Variants in E2F4 observed in about 807,000 individuals in gnomAD.
E2F4 encodes E2F transcription factor 4, also known as transcription factor E2F4.
Under a neutral mutation model 44.5 loss-of-function variants are expected in E2F4, and 16 were observed. That is an observed-to-expected ratio of 0.36 (90% CI 0.24 to 0.55). The LOEUF (loss-of-function observed/expected upper bound fraction) is 0.55. E2F4 is among the 20% of genes least tolerant of loss of function. E2F4 has a pLI of 0.87. For missense variants in E2F4, 473 were observed against 522.1 expected, an observed-to-expected ratio of 0.91 and a Z score of 0.92; for synonymous variants, 242 against 207.2, an observed-to-expected ratio of 1.17 and a Z score of -1.44.
chr16:67,192,216 C>T lies in E2F4; in HGVS notation c.-12C>T, dbSNP rs1340695551. Reference sequence around the variant, plus strand: ...GCCTGGCCTGGCTGAGGGGAGGCGGCGGGCGGGCGCGATGGCGGAGGCCGG... The same window carrying T: ...GCCTGGCCTGGCTGAGGGGAGGCGGTGGGCGGGCGCGATGGCGGAGGCCGG... On this transcript the variant is annotated 5_prime_UTR_variant, in exon 1 of 10. Transcript: ENST00000379378. 34 of 1,062,728 alleles carry T rather than the reference C, an allele frequency of 3.2e-5. No individual in the cohort carries two copies. Among genetic ancestry groups the T allele is most frequent in the African/African-American group, 5.2e-5 (3 of 57,708 alleles). The allele number at this position is 1,062,728 out of a possible 1,614,324, so 65.8% of individuals were successfully genotyped here.
In E2F4 at chr16:67,192,800, T is replaced by A; in HGVS notation, c.175T>A (p.Tyr59Asn). The change falls in exon 2 of 10, where the codon TAC (tyrosine) becomes AAC (asparagine). Residue 59 changes from tyrosine (Y) to asparagine (N), a missense_variant. Tyr to Asn is a moderately radical substitution (Grantham distance 143). This residue lies in a region of E2F4 where 119 missense variants were observed against 175.6 expected (regional missense o/e 0.68). Transcript: ENST00000379378. ...TLAVRQKRRI[Y>N]DITNVLEGIG... The stretch of plus-strand genomic sequence containing the variant: ...AGCTGTACGCCAGAAGCGGCGGATT[T>A]ACGACATTACCAATGTTTTGGAAGG... 1 of 1,612,952 alleles carries A rather than the reference T, an allele frequency of 6.2e-7. No homozygotes were observed. The highest frequency in any genetic ancestry group is 1.1e-5 in the South Asian group (1 of 90,812).
At position 67,197,663 on chromosome 16, in the gene E2F4, C is replaced by T; in HGVS notation, c.1081+17C>T. On this transcript the variant is annotated intron_variant, in intron 8 of 9. Coordinates refer to ENST00000379378, the MANE Select transcript of E2F4 (RefSeq NM_001950.4). ...CCACACGAGGTAGGCTGCTGCATTCCTCCCTGAGGCTAGGGGTAAGGGACA... is the reference window on the plus strand; with the variant it reads ...CCACACGAGGTAGGCTGCTGCATTCTTCCCTGAGGCTAGGGGTAAGGGACA... 6.2e-7 allele frequency: 1 copy of T among 1,613,968 alleles called. No individual in the cohort carries two copies. Among genetic ancestry groups the T allele is most frequent in the African/African-American group, 1.3e-5 (1 of 75,036 alleles).
At position 67,198,426 on chromosome 16, in the gene E2F4, GCCATTACC is replaced by G. The variant is rs766223514; in HGVS notation, c.*306_*313del. ...CCCAGTGGCACAGAACCGAGGAGCT[GCCATTACC>G]CCCCATAGGGGGCAGTGTCTTGTTC... On this transcript the variant is annotated 3_prime_UTR_variant, in exon 10 of 10. Transcript: ENST00000379378. The G allele has an allele frequency of 1.8e-4, 70 of 384,990 alleles. 1 individual carries two copies. Among genetic ancestry groups the G allele is most frequent in the Non-Finnish European group, 3.1e-4 (64 of 206,448 alleles). 23.8% of individuals were successfully genotyped at this position (384,990 alleles called of 1,614,324 possible). A position where few individuals can be genotyped will look rare whatever the true frequency, so the allele number is the denominator to read the frequency against.
rs2032958630 is a variant in E2F4, at chr16:67,195,884, T to C, written c.911T>C (p.Leu304Pro). 1.2e-6 allele frequency: 2 copies of C among 1,604,538 alleles called. No homozygotes were observed. The highest frequency in any genetic ancestry group is 2.9e-5 in the African/African-American group (2 of 69,918). ...ACCCGGCCACTGCAGTCTTCTGCCC[T>C]GCTGGACAGCAGCAGCAGCAGCAGC... ...LDTRPLQSSA[L>P]LDSSSSSSSS... Residue 304 changes from leucine to proline, a missense_variant, in exon 7 of 10, where the codon CTG becomes CCG. Leu to Pro is a moderately conservative substitution (Grantham distance 98). Around this residue, in one of 3 missense-constraint regions of E2F4, gnomAD observed 314 missense variants for 315.6 expected, o/e 0.99. Transcript: ENST00000379378.
At position 67,192,349 on chromosome 16, in the gene E2F4, T is replaced by C. The variant is rs761697299; in HGVS notation, c.122T>C (p.Leu41Pro). The change falls in exon 1 of 10, where the codon CTT (leucine) becomes CCT (proline). Residue 41 changes from leucine (L) to proline (P), a missense_variant. Leu to Pro is a moderately conservative substitution (Grantham distance 98). Coordinates refer to ENST00000379378, the MANE Select transcript of E2F4 (RefSeq NM_001950.4). The stretch of plus-strand genomic sequence containing the variant: ...CTGCAGGAGGCCAAGGACGGCGTGC[T>C]TGACCTCAAGCTGGTGCGGCCTGGG... Reference protein sequence around the residue: ...SLLQEAKDGVLDLKLAADTLA... With the variant: ...SLLQEAKDGVPDLKLAADTLA... 7.1e-7 allele frequency: 1 copy of C among 1,414,728 alleles called. No individual in the cohort carries two copies. The highest frequency in any genetic ancestry group is 9.2e-7 in the Non-Finnish European group (1 of 1,081,856). 87.6% of individuals were successfully genotyped at this position (1,414,728 alleles called of 1,614,324 possible). A position where few individuals can be genotyped will look rare whatever the true frequency, so the allele number is the denominator to read the frequency against.
rs972491636 is a variant in E2F4, at chr16:67,192,196, G to A, written c.-32G>A. 2.4e-6 allele frequency: 3 copies of A among 1,225,132 alleles called. No homozygotes were observed. Among genetic ancestry groups the A allele is most frequent in the Non-Finnish European group, 3.1e-6 (3 of 982,210 alleles). The allele number at this position is 1,225,132 out of a possible 1,614,324, so 75.9% of individuals were successfully genotyped here. ...GTGGCGGCGGCGCCGGCCTGGCCTG[G>A]CCTGGCTGAGGGGAGGCGGCGGGCG... On this transcript the variant is annotated 5_prime_UTR_variant, in exon 1 of 10. Coordinates refer to ENST00000379378, the MANE Select transcript of E2F4 (RefSeq NM_001950.4).
chr16:67,194,567 A>G (rs983357506), intron 5 of E2F4, 108 bp downstream of exon 5: 2 of 1,570,594 alleles, frequency 1.3e-6, no homozygotes, highest in Admixed American at 3.5e-5. Context: ...GTTTGGGGTT[A>G]TCTAGGAGGA....
chr16:67,194,806 C>T lies in E2F4; in HGVS notation c.634C>T (p.Pro212Ser). 1 of 1,614,196 alleles carries T rather than the reference C, an allele frequency of 6.2e-7. No homozygotes were observed. The highest frequency in any genetic ancestry group is 1.1e-5 in the South Asian group (1 of 91,084). ...SPPVAVPVPP[P>S]EDLLQSPSAV... is the part of the protein sequence containing the mutation. ...CCCTGTGGCTGTGCCTGTGCCACCA[C>T]CTGAAGATTTGCTCCAGAGCCCATC... Residue 212 changes from proline to serine, a missense_variant, in exon 6 of 10, where the codon CCT becomes TCT. Physicochemically the swap from Pro to Ser is moderately conservative, Grantham distance 74. Transcript: ENST00000379378.
chr16:67,192,713 G>A, intron 1 of E2F4, 48 bp from the exon 2 acceptor site: 1 of 1,546,662 alleles, frequency 6.5e-7, no homozygotes, highest in Non-Finnish European at 8.8e-7. Context: ...AGGGTGGCTG[G>A]GGGTACACCC....
rs1383272558 is a variant in E2F4, at chr16:67,195,962, A to G, written c.989A>G (p.Asn330Ser). 1.9e-6 allele frequency: 3 copies of G among 1,613,668 alleles called. No homozygotes were observed. The highest frequency in any genetic ancestry group is 1.7e-6 in the Non-Finnish European group (2 of 1,179,880). The change falls in exon 7 of 10, where the codon AAC becomes AGC. Residue 330 changes from asparagine to serine, a missense_variant. By Grantham distance (46) the Asn-to-Ser change is conservative (BLOSUM62 1). Transcript: ENST00000379378. ...AACAGCAGCAGTTCGTCCGGACCCA[A>G]CCCTTCTACCTCCTTTGAGCCCATC... ...NSNSSSSSGP[N>S]PSTSFEPIKA... is the part of the protein sequence containing the mutation.
At chr16:67,193,330 G>A in intron 3 of E2F4, 142 bp from the exon 4 acceptor site, 1 of 1,489,060 alleles carries the variant, frequency 6.7e-7, no homozygotes, top group Non-Finnish European at 9.3e-7. Flanking sequence ...CTCTTAGCCT[G>A]TGATCCCTCC....
chr16:67,195,933 C>T lies in E2F4; in HGVS notation c.960C>T (p.Asn320=). The T allele has an allele frequency of 6.2e-7, 1 of 1,614,114 alleles. No individual in the cohort carries two copies. The highest frequency in any genetic ancestry group is 1.1e-5 in the South Asian group (1 of 91,078). ...SSSSSSSSSS[N]SNSSSSSGPN... ...GCAGCAGCAGCAGCAGCAGCAGCAA[C>T]AGTAACAGCAGCAGTTCGTCCGGAC... is the stretch of plus-strand genomic sequence containing the variant. Residue 320 remains asparagine (N), a synonymous_variant, in exon 7 of 10, where the codon AAC becomes AAT. Coordinates refer to ENST00000379378, the MANE Select transcript of E2F4 (RefSeq NM_001950.4).
chr16:67,194,775 C>T lies in E2F4; in HGVS notation c.603C>T (p.Ser201=). The change falls in exon 6 of 10, where the codon AGC becomes AGT. Residue 201 remains serine (S), a synonymous_variant. Coordinates refer to ENST00000379378, the MANE Select transcript of E2F4 (RefSeq NM_001950.4). ...TGCTGGTGAACAAGGAGGCATGGAG[C>T]TCACCCCCTGTGGCTGTGCCTGTGC... The part of the protein sequence containing the change: ...EVLLVNKEAW[S]SPPVAVPVPP... 6.2e-7 allele frequency: 1 copy of T among 1,614,202 alleles called. No homozygotes were observed. Among genetic ancestry groups the T allele is most frequent in the Non-Finnish European group, 8.5e-7 (1 of 1,180,022 alleles).
At chr16:67,197,170 C>G (rs770636723) in intron 7 of E2F4, among the ~76,000 whole-genome samples, 44 of 152,322 alleles carry the variant, frequency 2.9e-4, no homozygotes, top group South Asian at 6.2e-4. Flanking sequence ...CCCCTGTGTC[C>G]TCCTGGCCAG....
chr16:67,193,445 A>G (rs1333807695), intron 3 of E2F4, 27 bp from the exon 4 acceptor site: 1 of 1,614,036 alleles, frequency 6.2e-7, no homozygotes, highest in Non-Finnish European at 8.5e-7. Context: ...ACCATAGGGC[A>G]TCAGCCATTC....
At chr16:67,193,582 C>G in intron 4 of E2F4, 67 bp downstream of exon 4, 16 of 1,546,672 alleles carry the variant, frequency 1.0e-5, no homozygotes, top group Non-Finnish European at 1.4e-5. Flanking sequence ...GCACTGGGCT[C>G]AGTGTCTTAG....
At chr16:67,192,388 A>G in intron 1 of E2F4, 26 bp downstream of exon 1, 2 of 1,410,542 alleles carry the variant, frequency 1.4e-6, no homozygotes. Flanking sequence ...AGGGGAGACA[A>G]GGGAGGCTGG....
Position 67,195,848 on chromosome 16 carries a change from C to T in E2F4, c.875C>T (p.Thr292Ile). The T allele has an allele frequency of 6.2e-7, 1 of 1,614,144 alleles. No individual in the cohort carries two copies. The highest frequency in any genetic ancestry group is 8.5e-7 in the Non-Finnish European group (1 of 1,180,026). The change falls in exon 7 of 10, where the codon ACA (threonine) becomes ATA (isoleucine). Residue 292 changes from threonine (T) to isoleucine (I), a missense_variant. By Grantham distance (89) the Thr-to-Ile change is moderately conservative. This residue lies in a region of E2F4 where 314 missense variants were observed against 315.6 expected (regional missense o/e 0.99). Transcript: ENST00000379378. ...GELSSLPLGP[T>I]TLDTRPLQSS... The stretch of plus-strand genomic sequence containing the variant: ...CTCAGTTCACTCCCACTGGGCCCAA[C>T]AACACTGGACACCCGGCCACTGCAG...
Position 67,192,757 on chromosome 16 carries a change from C to T in E2F4, c.136-4C>T. ...GGCTGAGCATTCTCCATTCTCTCTG[C>T]CAGGCAGCTGACACCCTAGCTGTAC... On this transcript the variant is annotated splice_polypyrimidine_tract_variant and splice_region_variant and intron_variant, in intron 1 of 9. Coordinates refer to ENST00000379378, the MANE Select transcript of E2F4 (RefSeq NM_001950.4). The T allele has an allele frequency of 1.2e-6, 2 of 1,607,350 alleles. No individual in the cohort carries two copies. The highest frequency in any genetic ancestry group is 1.3e-5 in the African/African-American group (1 of 74,958).
Sources: gnomAD v4.1 joint callset for allele counts (sites outside exome capture counted in the v4.1 genomes callset) on GRCh38, gnomAD v4.1.1 for gene constraint, gnomAD v4.1.1 regional missense constraint, MANE v1.5 for transcripts, NCBI Gene and HGNC (gene_info 2026-07-23, HGNC 2026-07-21) for gene names.